The following GREB1L variants were observed in gnomAD, a reference collection of about 807,000 sequenced individuals.
The protein encoded by GREB1L is GREB1 like retinoic acid receptor coactivator, also known as GREB1-like protein.
In GREB1L, 17 loss-of-function variants were observed where a neutral mutation model predicts 200.8. That is an observed-to-expected ratio of 0.08 (90% CI 0.06 to 0.13). GREB1L has a LOEUF of 0.13. Among genes scored for constraint, GREB1L ranks in the 10% least tolerant of loss-of-function variants. The pLI is 1.00. For synonymous variants in GREB1L, 789 were observed against 893.0 expected (o/e 0.88, Z 2.08); for missense variants, 1,657 against 2,367.7 (o/e 0.70, Z 6.23).
At chr18:21,328,773 A>T (rs1598662633) in intron 1 of GREB1L, among the ~76,000 whole-genome samples, 1 of 152,114 alleles carries the variant, frequency 6.6e-6, no homozygotes, top group Admixed American at 6.6e-5. Flanking sequence ...TGTATGAATC[A>T]GGGGGAAAGG....
intron 1 of GREB1L, among the ~76,000 whole-genome samples, chr18:21,248,408 G>A (rs7232597): frequency 2.8e-4 from 42 of 152,282 alleles, no homozygotes; most frequent in African/African-American, 9.6e-4. Context: ...TAATAATCTG[G>A]AAGCCAGATA....
At chr18:21,504,135 G>C (rs1439014420) in intron 23 of GREB1L, among the ~76,000 whole-genome samples, 1 of 151,998 alleles carries the variant, frequency 6.6e-6, no homozygotes, top group Non-Finnish European at 1.5e-5. Context: ...GGTTGGCCAG[G>C]CTGGTCTCGA....
intron 7 of GREB1L, among the ~76,000 whole-genome samples, chr18:21,410,450 G>A (rs2030831666): frequency 6.6e-6 from 1 of 152,034 alleles, no homozygotes; most frequent in Non-Finnish European, 1.5e-5. Flanking sequence ...GAGCCCCAAA[G>A]TTCAAGACCA....
At chr18:21,288,410 C>T (rs1232701364) in intron 1 of GREB1L, among the ~76,000 whole-genome samples, 1 of 152,086 alleles carries the variant, frequency 6.6e-6, no homozygotes. Context: ...GGACCAAGGA[C>T]CACTGTCTGG....
chr18:21,496,169 G>A (rs1193767119), intron 20 of GREB1L, among the ~76,000 whole-genome samples: 1 of 152,186 alleles, frequency 6.6e-6, no homozygotes, highest in Non-Finnish European at 1.5e-5. Flanking sequence ...AATGCTTACT[G>A]TGCGTGTCAG....
At chr18:21,323,750 AT>A (rs961029780) in intron 1 of GREB1L, among the ~76,000 whole-genome samples, 7 of 151,112 alleles carry the variant, frequency 4.6e-5, no homozygotes, top group South Asian at 2.1e-4. Flanking sequence ...ATCTCTAAAA[AT>A]TTTTTTTTTA....
intron 2 of GREB1L, among the ~76,000 whole-genome samples, chr18:21,382,583 C>G (rs2040366188): frequency 6.6e-6 from 1 of 151,562 alleles, no homozygotes; most frequent in Non-Finnish European, 1.5e-5. Context: ...CCTCCGCCTC[C>G]CGGATTCAAG....
chr18:21,483,872 A>G (rs1219143772), intron 17 of GREB1L, among the ~76,000 whole-genome samples: 1 of 150,584 alleles, frequency 6.6e-6, no homozygotes, highest in Non-Finnish European at 1.5e-5. Flanking sequence ...GCTGCTTGGG[A>G]GGCTGAGGCA....
Position 21,278,014 on chromosome 18 carries a change from TG to T in GREB1L, c.-120+35624del, listed in dbSNP as rs531988845. Among the ~76,000 whole-genome samples the T allele has an allele frequency of 6.1e-3, 927 of 152,280 alleles. 7 individuals are homozygous for T. In the Middle Eastern group the frequency reaches 0.071, roughly 12 times the overall value. On this transcript the variant is annotated intron_variant, in intron 1 of 32. Coordinates refer to ENST00000424526, the MANE Select transcript of GREB1L (RefSeq NM_001142966.3). The stretch of plus-strand genomic sequence containing the variant: ...CAAAAACTCATGAGGCCTGTCGAAA[TG>T]GGTATAGCCATGACAAGTGACTTTT...
At chr18:21,418,451 T>C (rs1339568679) in intron 7 of GREB1L, among the ~76,000 whole-genome samples, 1 of 152,184 alleles carries the variant, frequency 6.6e-6, no homozygotes, top group Non-Finnish European at 1.5e-5. Flanking sequence ...TGTTATACTG[T>C]ATTGGGTTTT....
intron 1 of GREB1L, among the ~76,000 whole-genome samples, chr18:21,293,395 A>G (rs2038480099): frequency 6.6e-6 from 1 of 152,186 alleles, no homozygotes; most frequent in Admixed American, 6.5e-5. Flanking sequence ...AATGGGAACA[A>G]TCATTTTATT....
intron 1 of GREB1L, among the ~76,000 whole-genome samples, chr18:21,330,491 G>A (rs1021994091): frequency 2.0e-5 from 3 of 152,236 alleles, no homozygotes; most frequent in African/African-American, 2.4e-5. Flanking sequence ...TTTCCATTTC[G>A]TGTTGATTGC....
chr18:21,417,508 C>T lies in GREB1L; in HGVS notation c.832+13514C>T, dbSNP rs2031755991. Among the ~76,000 whole-genome samples, 3 of 151,880 alleles carry T rather than the reference C, an allele frequency of 2.0e-5. No homozygotes were observed. In the South Asian group the frequency reaches 6.2e-4, roughly 32 times the overall value. ...CAGCCTGGATGAAAGAGTAAGACTC[C>T]ATCTCAAAAACAAACAAACAAAAAA... On this transcript the variant is annotated intron_variant, in intron 7 of 32. Transcript: ENST00000424526.
chr18:21,329,626 C>A (rs1023566275), intron 1 of GREB1L, among the ~76,000 whole-genome samples: 42 of 152,018 alleles, frequency 2.8e-4, no homozygotes, highest in African/African-American at 9.4e-4. Context: ...GCATTAGTAG[C>A]CTATTGCTCA....
chr18:21,367,861 A>G (rs927385096), intron 2 of GREB1L, among the ~76,000 whole-genome samples: 1 of 152,178 alleles, frequency 6.6e-6, no homozygotes, highest in Non-Finnish European at 1.5e-5. Context: ...AAATCTGCAT[A>G]TTGTAAAAGC....
At position 21,383,651 on chromosome 18, in the gene GREB1L, G is replaced by A; in HGVS notation, c.133G>A (p.Asp45Asn). The change falls in exon 3 of 33, where the codon GAC (aspartate) becomes AAC (asparagine). Residue 45 changes from aspartate (D) to asparagine (N), a missense_variant. Transcript: ENST00000424526. The part of the protein sequence containing the change: ...PIFSQLYLDP[D>N]QHPFSSADVK... ...TTTTTCCCAGCTATACCTGGACCCT[G>A]ACCAGCATCCTTTCTCATCTGCAGG... 1.3e-6 allele frequency: 2 copies of A among 1,550,888 alleles called. No individual in the cohort carries two copies. The highest frequency in any genetic ancestry group is 1.7e-6 in the Non-Finnish European group (2 of 1,146,662).
At chr18:21,368,549 C>A (rs1298293514) in intron 2 of GREB1L, among the ~76,000 whole-genome samples, 1 of 152,138 alleles carries the variant, frequency 6.6e-6, no homozygotes, top group African/African-American at 2.4e-5. Flanking sequence ...ATTACTTACT[C>A]TCTGAATTAC....
intron 1 of GREB1L, among the ~76,000 whole-genome samples, chr18:21,356,956 C>A (rs1206231600): frequency 6.6e-6 from 1 of 152,052 alleles, no homozygotes; most frequent in South Asian, 2.1e-4. Flanking sequence ...ATACTGTTGG[C>A]GATTTGTATG....
At chr18:21,266,368 A>C (rs1598615444) in intron 1 of GREB1L, among the ~76,000 whole-genome samples, 1 of 152,214 alleles carries the variant, frequency 6.6e-6, no homozygotes, top group African/African-American at 2.4e-5. Context: ...GAGAGACAAG[A>C]TATCTGTCTT....
Sources: allele counts gnomAD v4.1 joint callset (sites outside exome capture counted in the v4.1 genomes callset), GRCh38; gene constraint gnomAD v4.1.1; transcripts MANE v1.5; gene names NCBI Gene and HGNC (gene_info 2026-07-23, HGNC 2026-07-21).